The following NRG3 variants were observed in gnomAD, a reference collection of about 807,000 sequenced individuals.
The protein encoded by NRG3 is neuregulin 3.
NRG3 carries 31 observed loss-of-function variants against 66.9 expected under a neutral mutation model. That is an observed-to-expected ratio of 0.46 (90% CI 0.35 to 0.63). The LOEUF (loss-of-function observed/expected upper bound fraction) is 0.63, where lower values mean the gene tolerates loss of function less well. Among genes scored for constraint, NRG3 ranks in the 20% least tolerant of loss-of-function variants. The probability of loss-of-function intolerance (pLI) is 0.00; values close to 1 mark genes in which losing one functional copy is unlikely to be tolerated. For synonymous variants in NRG3, 393 were observed against 359.4 expected, an observed-to-expected ratio of 1.09 and a Z score of -1.06; for missense variants, 910 against 878.9, an observed-to-expected ratio of 1.04 and a Z score of -0.45.
In NRG3 at chr10:82,720,812, T is replaced by TATAC. The variant is rs1211916710; in HGVS notation, c.954-17762_954-17761insCATA. ...CACATATATAGGAGTATTTTATACA[T>TATAC]ATATATATATATATATATATATATA... On this transcript the variant is annotated intron_variant, in intron 2 of 8. Transcript: ENST00000372141. Among the ~76,000 whole-genome samples, 32 of 24,386 alleles carry TATAC rather than the reference T, an allele frequency of 1.3e-3. 1 individual carries two copies. The highest frequency in any genetic ancestry group is 5.2e-3 in the African/African-American group (30 of 5,782). The allele number at this position is 24,386 out of a possible 152,430, so 16.0% of individuals were successfully genotyped here.
intron 1 of NRG3, among the ~76,000 whole-genome samples, chr10:82,201,949 G>A (rs1356023512): frequency 1.3e-5 from 2 of 152,096 alleles, no homozygotes; most frequent in Non-Finnish European, 2.9e-5. Flanking sequence ...GGTACATAAA[G>A]TTTAGATACG....
chr10:82,329,347 T>G (rs2082026016), intron 1 of NRG3, among the ~76,000 whole-genome samples: 1 of 152,026 alleles, frequency 6.6e-6, no homozygotes, highest in Admixed American at 6.6e-5. Flanking sequence ...TGCAAGTTTT[T>G]TTTTCTTTTG....
chr10:82,251,650 A>G (rs1321872968), intron 1 of NRG3, among the ~76,000 whole-genome samples: 2 of 152,180 alleles, frequency 1.3e-5, no homozygotes, highest in Non-Finnish European at 2.9e-5. Context: ...TTTTCTAAGT[A>G]GAAATTGATC....
intron 2 of NRG3, among the ~76,000 whole-genome samples, chr10:82,397,473 TAGTG>T (rs2086787640): frequency 6.6e-6 from 1 of 152,216 alleles, no homozygotes; most frequent in Non-Finnish European, 1.5e-5. Flanking sequence ...AAATTAAACA[TAGTG>T]AGCCAATTAG....
chr10:82,105,484 G>T, intron 1 of NRG3, among the ~76,000 whole-genome samples: 1 of 152,134 alleles, frequency 6.6e-6, no homozygotes, highest in Non-Finnish European at 1.5e-5. Context: ...ACCCTGTCTG[G>T]CATTGCAGCA....
intron 1 of NRG3, among the ~76,000 whole-genome samples, chr10:82,117,577 G>A (rs1261585145): frequency 3.3e-5 from 5 of 152,066 alleles, no homozygotes; most frequent in African/African-American, 9.7e-5. Flanking sequence ...TTCTCACCCT[G>A]AGACATAGTT....
chr10:82,028,140 C>CT (rs1435886977), intron 1 of NRG3, among the ~76,000 whole-genome samples: 1 of 152,034 alleles, frequency 6.6e-6, no homozygotes, highest in African/African-American at 2.4e-5. Flanking sequence ...CCTCTTCCTG[C>CT]TTTTTTCTAC....
At chr10:82,775,551 A>C (rs2059881374) in intron 3 of NRG3, among the ~76,000 whole-genome samples, 1 of 152,050 alleles carries the variant, frequency 6.6e-6, no homozygotes, top group South Asian at 2.1e-4. Context: ...GGAATGTTCC[A>C]TGTGCACAAG....
chr10:82,244,790 G>A (rs1042205438), intron 1 of NRG3, among the ~76,000 whole-genome samples: 3 of 152,214 alleles, frequency 2.0e-5, no homozygotes, highest in African/African-American at 7.2e-5. Flanking sequence ...CTGGTGTGCA[G>A]TGGCTTGATC....
rs145070755 is a variant in NRG3 at position 82,639,939 on chromosome 10, A to G, written c.954-98638A>G. ...CTCCTCCCACCCTCCACCCTCCAATAGGCCCCAGTGTGTGTTGTTCCCCTC... is the reference window on the plus strand; with the variant it reads ...CTCCTCCCACCCTCCACCCTCCAATGGGCCCCAGTGTGTGTTGTTCCCCTC... On this transcript the variant is annotated intron_variant, in intron 2 of 8. Transcript: ENST00000372141. Among the ~76,000 whole-genome samples the G allele has an allele frequency of 2.3e-3, 346 of 152,088 alleles. 5 individuals carry two copies. The highest frequency in any genetic ancestry group is 5.4e-4 in the Non-Finnish European group (37 of 67,982).
intron 2 of NRG3, among the ~76,000 whole-genome samples, chr10:82,415,760 C>T (rs150118424): frequency 1.2e-4 from 19 of 152,136 alleles, no homozygotes; most frequent in African/African-American, 3.4e-4. Flanking sequence ...ATTGGTAGGA[C>T]GTGAAAGAAC....
chr10:82,703,070 C>CTT (rs5786565), intron 2 of NRG3, among the ~76,000 whole-genome samples: 1 of 151,512 alleles, frequency 6.6e-6, no homozygotes, highest in Non-Finnish European at 1.5e-5. Flanking sequence ...CTCTCTCTCT[C>CTT]GCTCACTCTC....
At chr10:82,321,301 T>TGGG (rs373044749) in intron 1 of NRG3, among the ~76,000 whole-genome samples, 6,751 of 137,376 alleles carry the variant, frequency 0.049, 404 homozygotes, top group African/African-American at 0.14. Context: ...GTGGCAGGGG[T>TGGG]GGGGGTGGGG....
chr10:82,205,240 C>T (rs2075057308), intron 1 of NRG3, among the ~76,000 whole-genome samples: 1 of 152,180 alleles, frequency 6.6e-6, no homozygotes, highest in South Asian at 2.1e-4. Flanking sequence ...CATCTTGGTT[C>T]CTTCTCTACC....
At chr10:82,245,760 C>T (rs1358615832) in intron 1 of NRG3, among the ~76,000 whole-genome samples, 2 of 152,252 alleles carry the variant, frequency 1.3e-5, no homozygotes, top group Non-Finnish European at 1.5e-5. Flanking sequence ...TTTAACCACA[C>T]AGGAATTCTC....
intron 1 of NRG3, among the ~76,000 whole-genome samples, chr10:82,108,666 AGTAGTAGTT>A (rs2067205764): frequency 6.6e-6 from 1 of 152,244 alleles, no homozygotes; most frequent in African/African-American, 2.4e-5. Flanking sequence ...TAATGAAGAT[AGTAGTAGTT>A]GTAGTAGTAG....
chr10:82,763,577 A>G (rs2059405147), intron 3 of NRG3, among the ~76,000 whole-genome samples: 1 of 152,180 alleles, frequency 6.6e-6, no homozygotes, highest in Non-Finnish European at 1.5e-5. Context: ...TAATTAATAT[A>G]CGAGTAAAGA....
chr10:81,988,652 A>G (rs2060617650), intron 1 of NRG3, among the ~76,000 whole-genome samples: 1 of 152,024 alleles, frequency 6.6e-6, no homozygotes, highest in Non-Finnish European at 1.5e-5. Flanking sequence ...ATGGGCCCTG[A>G]GTTAGTGTTT....
At chr10:82,839,597 AT>A (rs767205585) in intron 3 of NRG3, among the ~76,000 whole-genome samples, 2 of 151,536 alleles carry the variant, frequency 1.3e-5, no homozygotes, top group Non-Finnish European at 2.9e-5. Context: ...GAGTAATATT[AT>A]TGCTTTCATT....
Sources: allele counts gnomAD v4.1 joint callset (sites outside exome capture counted in the v4.1 genomes callset), GRCh38; gene constraint gnomAD v4.1.1; transcripts MANE v1.5; gene names NCBI Gene and HGNC (gene_info 2026-07-23, HGNC 2026-07-21).